Variants in ADAMTS16 observed in about 807,000 individuals in gnomAD.
ADAMTS16 encodes A disintegrin and metalloproteinase with thrombospondin motifs 16.
ADAMTS16 carries 94 observed loss-of-function variants against 145.8 expected under a neutral mutation model. The observed-to-expected ratio is 0.64, with a 90% CI of 0.55 to 0.77. ADAMTS16 has a LOEUF of 0.77. Among genes scored for constraint, ADAMTS16 ranks in the 30% least tolerant of loss-of-function variants. The pLI is 0.00. For missense variants in ADAMTS16, 1,585 were observed against 1,591.5 expected (o/e 1.00, Z 0.07); for synonymous variants, 659 against 604.3 (o/e 1.09, Z -1.33).
intron 20 of ADAMTS16, among the ~76,000 whole-genome samples, chr5:5,305,820 C>T (rs548873776): frequency 1.3e-5 from 2 of 152,214 alleles, no homozygotes; most frequent in Non-Finnish European, 2.9e-5. Flanking sequence ...GGGCCGGGAC[C>T]TCTGTCCCAG....
chr5:5,183,193 T>C (rs1429268296), intron 4 of ADAMTS16, among the ~76,000 whole-genome samples: 3 of 152,204 alleles, frequency 2.0e-5, no homozygotes, highest in Non-Finnish European at 4.4e-5. Flanking sequence ...TTCAGATGAC[T>C]TGAAAACCTC....
chr5:5,204,582 C>T (rs1383582742), intron 9 of ADAMTS16, among the ~76,000 whole-genome samples: 4 of 152,204 alleles, frequency 2.6e-5, no homozygotes, highest in Non-Finnish European at 2.9e-5. Flanking sequence ...TGAGATTCAT[C>T]CTTGTTGCTG....
intron 18 of ADAMTS16, among the ~76,000 whole-genome samples, chr5:5,283,213 T>C (rs968789128): frequency 6.6e-5 from 10 of 152,320 alleles, no homozygotes; most frequent in Admixed American, 6.5e-4. Context: ...TTAGAATGTT[T>C]CTGCATTTTC....
At chr5:5,156,891 A>C (rs1734619026) in intron 3 of ADAMTS16, among the ~76,000 whole-genome samples, 2 of 152,196 alleles carry the variant, frequency 1.3e-5, no homozygotes, top group Non-Finnish European at 2.9e-5. Flanking sequence ...GTGATTGTGG[A>C]CAACAGCTGT....
At chr5:5,244,073 C>T (rs1737370896) in intron 17 of ADAMTS16, among the ~76,000 whole-genome samples, 2 of 152,182 alleles carry the variant, frequency 1.3e-5, no homozygotes, top group Non-Finnish European at 2.9e-5. Context: ...GTATTTCCCA[C>T]ATTCTGTAGG....
At chr5:5,196,919 C>T (rs921119648) in intron 8 of ADAMTS16, among the ~76,000 whole-genome samples, 2 of 152,214 alleles carry the variant, frequency 1.3e-5, no homozygotes, top group African/African-American at 4.8e-5. Context: ...GAGGTCCCTG[C>T]ACCTCCACAG....
intron 20 of ADAMTS16, 47 bp downstream of exon 20, chr5:5,303,813 C>T (rs764843861): frequency 4.4e-6 from 7 of 1,587,428 alleles, no homozygotes; most frequent in East Asian, 2.3e-5. Context: ...GCTCTCCCCT[C>T]GGGACTGCCT....
chr5:5,292,422 T>C (rs188879309), intron 18 of ADAMTS16, among the ~76,000 whole-genome samples: 1 of 152,036 alleles, frequency 6.6e-6, no homozygotes, highest in Non-Finnish European at 1.5e-5. Flanking sequence ...GCTTGAACCC[T>C]GGGAGGCAGA....
At chr5:5,296,893 G>A (rs144859012) in intron 18 of ADAMTS16, among the ~76,000 whole-genome samples, 2 of 152,182 alleles carry the variant, frequency 1.3e-5, no homozygotes, top group African/African-American at 2.4e-5. Flanking sequence ...CCATAGCAAA[G>A]GTAATTGTAG....
chr5:5,204,777 A>T (rs1251913361), intron 9 of ADAMTS16, among the ~76,000 whole-genome samples: 1 of 152,234 alleles, frequency 6.6e-6, no homozygotes, highest in Non-Finnish European at 1.5e-5. Context: ...TTGAGTGTAC[A>T]TAGGAATGGA....
chr5:5,280,854 C>T (rs1332350092), intron 18 of ADAMTS16, among the ~76,000 whole-genome samples: 1 of 152,150 alleles, frequency 6.6e-6, no homozygotes, highest in African/African-American at 2.4e-5. Context: ...CTACTCATCC[C>T]ACGTTGCTCA....
chr5:5,197,384 G>A (rs904685993), intron 8 of ADAMTS16, among the ~76,000 whole-genome samples: 1 of 152,084 alleles, frequency 6.6e-6, no homozygotes, highest in Non-Finnish European at 1.5e-5. Context: ...TTTCCGTCTG[G>A]GTATTTGAGT....
chr5:5,177,614 G>T (rs978507647), intron 3 of ADAMTS16, among the ~76,000 whole-genome samples: 1 of 151,674 alleles, frequency 6.6e-6, no homozygotes, highest in South Asian at 2.1e-4. Context: ...TTCATATTTG[G>T]CTCTGAGGTT....
At chr5:5,224,323 T>G (rs1371526752) in intron 11 of ADAMTS16, among the ~76,000 whole-genome samples, 1 of 152,208 alleles carries the variant, frequency 6.6e-6, no homozygotes, top group Non-Finnish European at 1.5e-5. Flanking sequence ...AGAGTCTTGC[T>G]CTGTCACCCA....
At position 5,273,367 on chromosome 5, in the gene ADAMTS16, C is replaced by A. The variant is rs1738559933; in HGVS notation, c.2789+10584C>A. On this transcript the variant is annotated intron_variant, in intron 18 of 22. Transcript: ENST00000274181. ...TGAAACTTCAGCTCTACCAAAAATACAAAAAACTTAGCTGATGTGGTGGCA... is the reference window on the plus strand; with the variant it reads ...TGAAACTTCAGCTCTACCAAAAATAAAAAAAACTTAGCTGATGTGGTGGCA... Among the ~76,000 whole-genome samples, 4 of 152,146 alleles carry A rather than the reference C, an allele frequency of 2.6e-5. No individual in the cohort carries two copies. The South Asian group carries it at 8.3e-4, about 32-fold the overall frequency.
chr5:5,258,518 C>T (rs1737876266), intron 17 of ADAMTS16, among the ~76,000 whole-genome samples: 1 of 152,214 alleles, frequency 6.6e-6, no homozygotes, highest in Non-Finnish European at 1.5e-5. Flanking sequence ...TCCAGGGTGC[C>T]CTGATACCAA....
At chr5:5,303,225 T>G in intron 18 of ADAMTS16, 43 bp from the exon 19 acceptor site, 6 of 1,486,480 alleles carry the variant, frequency 4.0e-6, no homozygotes, top group Non-Finnish European at 4.5e-6. Flanking sequence ...TCTATCAGAG[T>G]GATGGAGCCA....
chr5:5,303,303 C>CGT lies in ADAMTS16; in HGVS notation c.2829_2830dup (p.Gly944ValfsTer123). ...GGGAACTGGAGTGCCTGCAGTCGGA[C>CGT]GTGTGGCGGGGGTGCCCAGAGCCGC... On this transcript the variant is annotated frameshift_variant, in exon 19 of 23. Transcript: ENST00000274181. LOFTEE classifies it high-confidence loss of function. 1 of 1,594,842 alleles carries CGT rather than the reference C, an allele frequency of 6.3e-7. No individual in the cohort carries two copies. Among genetic ancestry groups the CGT allele is most frequent in the Non-Finnish European group, 8.6e-7 (1 of 1,168,914 alleles).
chr5:5,289,306 C>T (rs1009421300), intron 18 of ADAMTS16, among the ~76,000 whole-genome samples: 10 of 152,188 alleles, frequency 6.6e-5, no homozygotes, highest in East Asian at 3.8e-4. Flanking sequence ...ATGTAAGGTG[C>T]GACTGGTTTG....
Sources: allele counts gnomAD v4.1 joint callset (sites outside exome capture counted in the v4.1 genomes callset), GRCh38; gene constraint gnomAD v4.1.1; transcripts MANE v1.5; gene names NCBI Gene and HGNC (gene_info 2026-07-23, HGNC 2026-07-21).